Variants in AKT2 observed in about 807,000 individuals in gnomAD.
AKT2 encodes the protein AKT serine/threonine kinase 2.
Under a neutral mutation model 58.6 loss-of-function variants are expected in AKT2, and 16 were observed. The ratio of observed to expected loss-of-function variants is 0.27; its 90% CI spans 0.18 to 0.41. AKT2 has a LOEUF of 0.41. Among genes scored for constraint, AKT2 ranks in the 10% least tolerant of loss-of-function variants. AKT2 has a pLI of 1.00. For synonymous variants in AKT2, 253 were observed against 254.0 expected, an observed-to-expected ratio of 1.00 and a Z score of 0.04; for missense variants, 438 against 661.0, an observed-to-expected ratio of 0.66 and a Z score of 3.70.
At chr19:40,239,744 C>G in intron 7 of AKT2, 1 of 589,824 alleles carries the variant, frequency 1.7e-6, no homozygotes, top group East Asian at 3.2e-5. Context: ...CTTCAACCAG[C>G]TGGGCTAAGT....
Position 40,235,512 on chromosome 19 carries a change from C to T in AKT2, c.1176-162G>A. 1 of 742,068 alleles carries T rather than the reference C, an allele frequency of 1.3e-6. No individual in the cohort carries two copies. 46.0% of individuals were successfully genotyped at this position (742,068 alleles called of 1,614,324 possible). A position where few individuals can be genotyped will look rare whatever the true frequency, so the allele number is the denominator to read the frequency against. On this transcript the variant is annotated intron_variant, in intron 11 of 13. Coordinates refer to ENST00000392038, the MANE Select transcript of AKT2 (RefSeq NM_001626.6). This position sits in a 1 kb window ranked among gnomAD's most constrained non-coding sequence, Gnocchi z 6.3. ...GAGGCTCAGGGAGGGAGCTCACGTG[C>T]CCAGGGTCAGAGCCAGGGAGTCAGC...
chr19:40,239,754 T>C (rs1974272669), intron 7 of AKT2: 1 of 613,584 alleles, frequency 1.6e-6, no homozygotes, highest in Admixed American at 2.4e-5. Flanking sequence ...CTGGGCTAAG[T>C]GCTCCTAACT....
At chr19:40,263,245 T>G (rs934164407) in intron 2 of AKT2, among the ~76,000 whole-genome samples, 55 of 152,182 alleles carry the variant, frequency 3.6e-4, no homozygotes, top group Non-Finnish European at 2.2e-4. Flanking sequence ...CCTCCGCACG[T>G]GCAGGCCACG....
In AKT2 at chr19:40,230,970, GC is replaced by G; in HGVS notation, c.*2901del. On this transcript the variant is annotated 3_prime_UTR_variant, in exon 14 of 14. Coordinates refer to ENST00000392038, the MANE Select transcript of AKT2 (RefSeq NM_001626.6). ...ACCCCTGGCCTCAAGAGACCCGCCCGCCTCGGCCTCCCAAATTGCTGGGATT... is the reference window on the plus strand; with the variant it reads ...ACCCCTGGCCTCAAGAGACCCGCCCGCTCGGCCTCCCAAATTGCTGGGATT... 5.1e-6 allele frequency: 1 copy of G among 194,306 alleles called. No homozygotes were observed. Among genetic ancestry groups the G allele is most frequent in the Non-Finnish European group, 1.1e-5 (1 of 93,380 alleles). The allele number at this position is 194,306 out of a possible 1,614,324, so 12.0% of individuals were successfully genotyped here. A position where few individuals can be genotyped will look rare whatever the true frequency, so the allele number is the denominator to read the frequency against.
intron 2 of AKT2, among the ~76,000 whole-genome samples, chr19:40,262,264 A>C (rs987046651): frequency 1.3e-5 from 2 of 152,054 alleles, no homozygotes; most frequent in African/African-American, 4.8e-5. Flanking sequence ...AAAAGACAAA[A>C]AACAGGTAGA....
At chr19:40,270,952 G>C (rs940830930) in intron 1 of AKT2, among the ~76,000 whole-genome samples, 1 of 151,894 alleles carries the variant, frequency 6.6e-6, no homozygotes, top group Non-Finnish European at 1.5e-5. Flanking sequence ...GGTTGAGGCT[G>C]CAGTGAGCTA....
At chr19:40,268,404 G>A (rs900049562) in intron 1 of AKT2, among the ~76,000 whole-genome samples, 1 of 152,238 alleles carries the variant, frequency 6.6e-6, no homozygotes, top group Non-Finnish European at 1.5e-5. Flanking sequence ...AGCAAAGGCA[G>A]CCAGGTATGG....
At chr19:40,265,512 A>G in intron 1 of AKT2, 161 bp from the exon 2 acceptor site, 6 of 969,348 alleles carry the variant, frequency 6.2e-6, no homozygotes, top group Non-Finnish European at 7.4e-6. Flanking sequence ...ACCCATTCTG[A>G]GCAGAGAGAT....
chr19:40,256,951 G>A lies in AKT2; in HGVS notation c.150C>T (p.Pro50=), dbSNP rs1975582600. The change falls in exon 3 of 14, where the codon CCC becomes CCT. Residue 50 remains proline, a synonymous_variant. Coordinates refer to ENST00000392038, the MANE Select transcript of AKT2 (RefSeq NM_001626.6). ...ERPEAPDQTL[P]PLNNFSVAEC... is the part of the protein sequence containing the mutation. ...CTGCTACGGAGAAGTTGTTTAAGGG[G>A]GGTAGAGTCTGATCAGGGGCCTCGG... is the stretch of plus-strand genomic sequence containing the variant. 6.2e-7 allele frequency: 1 copy of A among 1,614,166 alleles called. No individual in the cohort carries two copies. The highest frequency in any genetic ancestry group is 8.5e-7 in the Non-Finnish European group (1 of 1,180,010).
At chr19:40,239,200 C>T (rs1974226071) in intron 7 of AKT2, 1 of 523,294 alleles carries the variant, frequency 1.9e-6, no homozygotes, top group South Asian at 2.6e-5. Flanking sequence ...CCATCTTGTC[C>T]TCTGCCTCCA....
Position 40,240,025 on chromosome 19 carries a change from G to A in AKT2, c.639+20C>T. On this transcript the variant is annotated intron_variant, in intron 7 of 13. Coordinates refer to ENST00000392038, the MANE Select transcript of AKT2 (RefSeq NM_001626.6). ...CCAAAGGCTGGCCTCACACTGTCTG[G>A]GAAGGGGAGGGCAACTCACAGTGAG... The A allele has an allele frequency of 5.6e-6, 9 of 1,612,592 alleles. No individual in the cohort carries two copies. The highest frequency in any genetic ancestry group is 2.2e-5 in the East Asian group (1 of 44,868).
intron 7 of AKT2, chr19:40,239,565 T>C: frequency 3.0e-6 from 1 of 338,394 alleles, no homozygotes; most frequent in South Asian, 2.4e-5. Flanking sequence ...AAAGAAATGA[T>C]ACATAAGCCA....
rs1450407517 is a variant in AKT2 at position 40,236,023 on chromosome 19, G to A, written c.1042C>T (p.Leu348=). The change falls in exon 11 of 14, where the codon CTG becomes TTG. Residue 348 remains leucine, a synonymous_variant. Transcript: ENST00000392038. ...VVMYEMMCGR[L]PFYNQDHERL... is the part of the protein sequence containing the mutation. Reference sequence around the variant, plus strand: ...TCGTGGTCCTGGTTGTAGAAGGGCAGGCGGCCGCACATCATCTCGTACATG... The same window carrying A: ...TCGTGGTCCTGGTTGTAGAAGGGCAAGCGGCCGCACATCATCTCGTACATG... 4.3e-6 allele frequency: 7 copies of A among 1,614,150 alleles called. No homozygotes were observed. The highest frequency in any genetic ancestry group is 1.6e-4 in the Middle Eastern group (1 of 6,062).
chr19:40,235,901 GT>G lies in AKT2; in HGVS notation c.1163del (p.Asp388AlafsTer187). On this transcript the variant is annotated frameshift_variant, in exon 11 of 14. Coordinates refer to ENST00000392038, the MANE Select transcript of AKT2 (RefSeq NM_001626.6). LOFTEE classifies it high-confidence loss of function. The surrounding 1 kb of genome is among the most constrained non-coding windows in gnomAD (Gnocchi z 6.3). ...ACGCCAGCCCTCACCTCTGCTTGGG[GT>G]CCTTCTTAAGCAGCCCAGCAAGCAG... The part of the protein sequence containing the change: ...KSLLAGLLKK[D>X]PKQRLGGGPS... 6.2e-7 allele frequency: 1 copy of G among 1,610,928 alleles called. No homozygotes were observed. The highest frequency in any genetic ancestry group is 8.5e-7 in the Non-Finnish European group (1 of 1,179,490).
intron 6 of AKT2, chr19:40,241,383 G>A: frequency 5.1e-6 from 1 of 197,204 alleles, no homozygotes; most frequent in South Asian, 9.2e-5. Flanking sequence ...GTGACGTGTT[G>A]TCTAGGACAG....
intron 1 of AKT2, among the ~76,000 whole-genome samples, chr19:40,281,408 C>T (rs772571525): frequency 6.6e-6 from 1 of 152,164 alleles, no homozygotes; most frequent in African/African-American, 2.4e-5. Flanking sequence ...GGAAGGATCA[C>T]TAAAGCCTAG....
intron 2 of AKT2, among the ~76,000 whole-genome samples, chr19:40,259,357 T>C (rs1378608346): frequency 6.6e-6 from 1 of 152,192 alleles, no homozygotes; most frequent in African/African-American, 2.4e-5. Context: ...CTGAGGCAAC[T>C]GGATATCCAC....
rs1027367281 is a variant in AKT2 at position 40,232,160 on chromosome 19, C to G, written c.*1712G>C. ...AGCCCCACAGCACCAGCTCCACCCA[C>G]CCTCTCCAGCCTGAGCTCCTGCACA... On this transcript the variant is annotated 3_prime_UTR_variant, in exon 14 of 14. Transcript: ENST00000392038. 2 of 233,870 alleles carry G rather than the reference C, an allele frequency of 8.6e-6. No homozygotes were observed. Among genetic ancestry groups the G allele is most frequent in the African/African-American group, 4.4e-5 (2 of 45,290 alleles). The allele number at this position is 233,870 out of a possible 1,614,324, so 14.5% of individuals were successfully genotyped here.
Position 40,233,576 on chromosome 19 carries a change from T to A in AKT2, c.*296A>T, listed in dbSNP as rs780474571. On this transcript the variant is annotated 3_prime_UTR_variant, in exon 14 of 14. Coordinates refer to ENST00000392038, the MANE Select transcript of AKT2 (RefSeq NM_001626.6). The surrounding 1 kb of genome is among the most constrained non-coding windows in gnomAD (Gnocchi z 4.3). ...GGCCCCAGGCGCCATGCTTCACCCC[T>A]CACTGGGGCTTGTGTGGATTAAAAC... is the stretch of plus-strand genomic sequence containing the variant. The A allele has an allele frequency of 1.7e-5, 12 of 692,922 alleles. No homozygotes were observed. The highest frequency in any genetic ancestry group is 5.3e-5 in the Admixed American group (3 of 56,470). The allele number at this position is 692,922 out of a possible 1,614,324, so 42.9% of individuals were successfully genotyped here. A position where few individuals can be genotyped will look rare whatever the true frequency, so the allele number is the denominator to read the frequency against.
Sources: gnomAD v4.1 joint callset for allele counts (sites outside exome capture counted in the v4.1 genomes callset) on GRCh38, gnomAD v4.1.1 for gene constraint, Gnocchi (gnomAD v3.1) non-coding constraint, MANE v1.5 for transcripts, NCBI Gene and HGNC (gene_info 2026-07-23, HGNC 2026-07-21) for gene names.